ATE1: variants seen among roughly 807,000 people sequenced by gnomAD.
ATE1 encodes arginyltransferase 1.
Under a neutral mutation model 70.5 loss-of-function variants are expected in ATE1, and 36 were observed. The ratio of observed to expected loss-of-function variants is 0.51; its 90% CI spans 0.39 to 0.67. ATE1 has a LOEUF of 0.67. Ranked by LOEUF, ATE1 falls within the 30% of genes least tolerant of loss-of-function variation. The pLI is 0.00. For synonymous variants in ATE1, 232 were observed against 219.3 expected (o/e 1.06, Z -0.51); for missense variants, 593 against 629.5 (o/e 0.94, Z 0.62).
intron 8 of ATE1, among the ~76,000 whole-genome samples, chr10:121,844,032 G>C (rs1948724942): frequency 6.6e-6 from 1 of 152,210 alleles, no homozygotes; most frequent in Non-Finnish European, 1.5e-5. Context: ...AGACATATCT[G>C]ATAAAGAATT....
chr10:121,829,684 G>A (rs577492249), intron 10 of ATE1, among the ~76,000 whole-genome samples: 98 of 151,204 alleles, frequency 6.5e-4, no homozygotes, highest in Non-Finnish European at 1.2e-3. Flanking sequence ...ACTCCAGCCT[G>A]GGCGACAGAG....
At chr10:121,772,843 T>C (rs556874823) in intron 11 of ATE1, among the ~76,000 whole-genome samples, 1 of 152,370 alleles carries the variant, frequency 6.6e-6, no homozygotes, top group Admixed American at 6.5e-5. Context: ...TAGTCCAAAT[T>C]CAATGTGCAT....
At chr10:121,904,509 C>T (rs1370502106) in intron 5 of ATE1, among the ~76,000 whole-genome samples, 2 of 151,142 alleles carry the variant, frequency 1.3e-5, no homozygotes, top group Non-Finnish European at 2.9e-5. Context: ...GGCATGGTGG[C>T]GCACGCCTGT....
intron 7 of ATE1, 55 bp from the exon 8 acceptor site, chr10:121,870,093 G>C (rs1034777039): frequency 7.9e-6 from 12 of 1,525,752 alleles, no homozygotes; most frequent in Non-Finnish European, 1.1e-5. Flanking sequence ...CGGCAAAAAG[G>C]AACACAGAGA....
At chr10:121,902,864 ATCTTTTTTT>A (rs1393101863) in intron 5 of ATE1, among the ~76,000 whole-genome samples, 2 of 151,850 alleles carry the variant, frequency 1.3e-5, no homozygotes, top group Non-Finnish European at 2.9e-5. Flanking sequence ...ACTGCTGAAA[ATCTTTTTTT>A]TCTTTTTTTT....
At chr10:121,806,380 G>A (rs1947096631) in intron 10 of ATE1, among the ~76,000 whole-genome samples, 1 of 152,100 alleles carries the variant, frequency 6.6e-6, no homozygotes, top group Non-Finnish European at 1.5e-5. Flanking sequence ...TTGAGCCTGG[G>A]AAGTTGACCC....
rs146001329 is a variant in ATE1, at chr10:121,812,486, A to G, written c.1258-22197T>C. On this transcript the variant is annotated intron_variant, in intron 10 of 11. Coordinates refer to ENST00000224652, the MANE Select transcript of ATE1 (RefSeq NM_001001976.3). Reference sequence around the variant, plus strand: ...CCAAGACCCCCTTTAAGTCCTTCCAATTCCTGGCCTATCAAGGTAGTCAGG... The same window carrying G: ...CCAAGACCCCCTTTAAGTCCTTCCAGTTCCTGGCCTATCAAGGTAGTCAGG... Among the ~76,000 whole-genome samples the G allele has an allele frequency of 5.0e-4, 76 of 152,260 alleles. No individual in the cohort carries two copies. In the East Asian group the frequency reaches 7.9e-3, roughly 16 times the overall value.
chr10:121,844,029 T>C (rs1375683466), intron 8 of ATE1, among the ~76,000 whole-genome samples: 2 of 152,202 alleles, frequency 1.3e-5, no homozygotes, highest in Non-Finnish European at 2.9e-5. Flanking sequence ...AAAAGACATA[T>C]CTGATAAAGA....
chr10:121,910,443 T>A lies in ATE1; in HGVS notation c.583+463A>T, dbSNP rs117007750. Among the ~76,000 whole-genome samples, 797 of 152,316 alleles carry A rather than the reference T, an allele frequency of 5.2e-3. 8 individuals carry two copies. The highest frequency in any genetic ancestry group is 0.028 in the Admixed American group (421 of 15,298). On this transcript the variant is annotated intron_variant, in intron 5 of 11. Transcript: ENST00000224652. ...AATCTTACCTGATTAAAGGCAAAGTTAAACATCAAAATCTGGACATTTTAA... is the reference window on the plus strand; with the variant it reads ...AATCTTACCTGATTAAAGGCAAAGTAAAACATCAAAATCTGGACATTTTAA...
intron 11 of ATE1, among the ~76,000 whole-genome samples, chr10:121,768,864 C>A (rs1025702679): frequency 1.3e-5 from 2 of 151,910 alleles, no homozygotes; most frequent in African/African-American, 2.4e-5. Flanking sequence ...TGTCAACTTA[C>A]ATGCTGAAAA....
At chr10:121,852,151 A>G (rs1949079211) in intron 8 of ATE1, among the ~76,000 whole-genome samples, 1 of 152,234 alleles carries the variant, frequency 6.6e-6, no homozygotes, top group Admixed American at 6.5e-5. Flanking sequence ...TACGAAGTTC[A>G]AAGATAGGAA....
rs141331198 is a variant in ATE1 at position 121,879,793 on chromosome 10, G to A, written c.943-9755C>T. On this transcript the variant is annotated intron_variant, in intron 7 of 11. Coordinates refer to ENST00000224652, the MANE Select transcript of ATE1 (RefSeq NM_001001976.3). The stretch of plus-strand genomic sequence containing the variant: ...CCCAGTAATGCTGAAGTAAAAACCT[G>A]TCCCCTTCTTGTTAGACCTTCTTGG... Among the ~76,000 whole-genome samples the A allele has an allele frequency of 1.9e-3, 296 of 152,254 alleles. 3 individuals are homozygous for A. The highest frequency in any genetic ancestry group is 0.014 in the Middle Eastern group (4 of 292).
At chr10:121,903,196 CTT>C in intron 5 of ATE1, among the ~76,000 whole-genome samples, 2 of 149,918 alleles carry the variant, frequency 1.3e-5, no homozygotes, top group African/African-American at 4.9e-5. Context: ...GCCCAAATAT[CTT>C]TTTTTAAAAA....
At chr10:121,902,258 T>G in intron 6 of ATE1, 133 bp downstream of exon 6, 1 of 827,402 alleles carries the variant, frequency 1.2e-6, no homozygotes, top group Non-Finnish European at 1.8e-6. Context: ...TTCCCAGTTC[T>G]CTTTAATTTC....
intron 11 of ATE1, among the ~76,000 whole-genome samples, chr10:121,750,551 T>G (rs1005224449): frequency 6.6e-6 from 1 of 152,234 alleles, no homozygotes; most frequent in African/African-American, 2.4e-5. Context: ...CCCCAACTTT[T>G]TATTCACAGG....
At chr10:121,804,572 G>A (rs1947018946) in intron 10 of ATE1, among the ~76,000 whole-genome samples, 1 of 152,174 alleles carries the variant, frequency 6.6e-6, no homozygotes, top group Non-Finnish European at 1.5e-5. Context: ...TCATAGAGAT[G>A]ATTATACTTT....
chr10:121,855,523 G>A (rs1201245026), intron 8 of ATE1, among the ~76,000 whole-genome samples: 1 of 152,176 alleles, frequency 6.6e-6, no homozygotes, highest in Non-Finnish European at 1.5e-5. Flanking sequence ...AGCTAAAGTT[G>A]TAGAACTGAA....
chr10:121,797,108 G>T (rs1464124082), intron 10 of ATE1, among the ~76,000 whole-genome samples: 1 of 152,134 alleles, frequency 6.6e-6, no homozygotes, highest in African/African-American at 2.4e-5. Flanking sequence ...TGGAAAAATT[G>T]GATTTCACAA....
chr10:121,881,357 A>G (rs1332303834), intron 7 of ATE1, among the ~76,000 whole-genome samples: 1 of 152,220 alleles, frequency 6.6e-6, no homozygotes, highest in African/African-American at 2.4e-5. Flanking sequence ...TATGGATTAC[A>G]GTACCCCAAT....
Sources: allele counts gnomAD v4.1 joint callset (sites outside exome capture counted in the v4.1 genomes callset), GRCh38; gene constraint gnomAD v4.1.1; transcripts MANE v1.5; gene names NCBI Gene and HGNC (gene_info 2026-07-23, HGNC 2026-07-21).